The following MOCS1 variants were observed in gnomAD, a reference collection of about 807,000 sequenced individuals.
The protein encoded by MOCS1 is molybdenum cofactor biosynthesis protein 1.
MOCS1 carries 39 observed loss-of-function variants against 57.6 expected under a neutral mutation model. That is an observed-to-expected ratio of 0.68 (90% confidence interval 0.52 to 0.88). The LOEUF (loss-of-function observed/expected upper bound fraction) is 0.88. Among genes scored for constraint, MOCS1 ranks in the 40% least tolerant of loss-of-function variants. MOCS1 has a pLI of 0.00. For synonymous variants in MOCS1, 334 were observed against 335.7 expected (o/e 1.00, Z 0.05); for missense variants, 795 against 831.1 (o/e 0.96, Z 0.53).
intron 10 of MOCS1, among the ~76,000 whole-genome samples, chr6:39,907,646 A>T (rs985795248): frequency 9.9e-5 from 15 of 152,212 alleles, no homozygotes; most frequent in African/African-American, 2.7e-4. Flanking sequence ...GCACATGAGA[A>T]GCACATACAA....
chr6:39,930,545 T>TC (rs58270312), intron 1 of MOCS1, among the ~76,000 whole-genome samples: 55,473 of 151,792 alleles, frequency 0.37, 10,281 homozygotes, highest in South Asian at 0.48. Flanking sequence ...GGTAATCATT[T>TC]CCCGGCTGGT....
At chr6:39,912,164 C>T (rs1175116594) in intron 8 of MOCS1, 100 bp downstream of exon 8, 22 of 938,912 alleles carry the variant, frequency 2.3e-5, no homozygotes, top group Admixed American at 6.8e-5. Context: ...CCCCCGACAC[C>T]GTGCCCTGCC....
chr6:39,913,180 C>T lies in MOCS1; in HGVS notation c.757+137G>A, dbSNP rs773119712. On this transcript the variant is annotated intron_variant, in intron 6 of 10. Coordinates refer to ENST00000340692, the MANE Select transcript of MOCS1 (RefSeq NM_001358530.2). ...ATTGAATCACATCCACAGCGGGCTC[C>T]GAGAAGCCACCAACAGCCCATCATA... is the stretch of plus-strand genomic sequence containing the variant. 1.8e-4 allele frequency: 167 copies of T among 912,344 alleles called. 4 individuals carry two copies. Among genetic ancestry groups the T allele is most frequent in the Admixed American group, 1.9e-4 (10 of 53,754 alleles). The allele number at this position is 912,344 out of a possible 1,614,324, so 56.5% of individuals were successfully genotyped here.
chr6:39,907,005 G>A lies in MOCS1; in HGVS notation c.1263C>T (p.Ala421=), dbSNP rs1435765721. The A allele has an allele frequency of 3.7e-6, 6 of 1,613,986 alleles. No homozygotes were observed. Among genetic ancestry groups the A allele is most frequent in the African/African-American group, 1.3e-5 (1 of 75,034 alleles). ...GGACCCTGCATCCTTTCCATAAAGT[G>A]GCCACCTGGCTGGAGAAACTCATTC... ...RPRMSFSSQV[A]TLWKGCRVPQ... The change falls in exon 11 of 11, where the codon GCC becomes GCT. Residue 421 remains alanine (A), a synonymous_variant. Transcript: ENST00000340692.
rs189477481 is a variant in MOCS1 at position 39,917,058 on chromosome 6, A to G, written c.419-826T>C. 4.6e-5 allele frequency among the ~76,000 whole-genome samples: 7 copies of G among 152,332 alleles called. No homozygotes were observed. In the East Asian group the frequency reaches 1.4e-3, roughly 29 times the overall value. On this transcript the variant is annotated intron_variant, in intron 3 of 10. Coordinates refer to ENST00000340692, the MANE Select transcript of MOCS1 (RefSeq NM_001358530.2). ...GGAAGGCAGCAGAAGCATTTGCCTC[A>G]AGGATAAAGCACCAGTGCAGACACT...
At chr6:39,911,592 C>T (rs374651004) in intron 8 of MOCS1, among the ~76,000 whole-genome samples, 25 of 152,336 alleles carry the variant, frequency 1.6e-4, no homozygotes, top group African/African-American at 5.5e-4. Context: ...AAGCCCCCTA[C>T]AATGTAGTCT....
chr6:39,912,901 G>T lies in MOCS1; in HGVS notation c.861C>A (p.Ser287Arg), dbSNP rs373722664. Residue 287 changes from serine (S) to arginine (R), a missense_variant, in exon 7 of 11, where the codon AGC (serine) becomes AGA (arginine). Physicochemically the swap from Ser to Arg is moderately radical, Grantham distance 110 (BLOSUM62 -1). This residue lies in a region of MOCS1 where 416 missense variants were observed against 392.4 expected (regional missense o/e 1.06). Coordinates refer to ENST00000340692, the MANE Select transcript of MOCS1 (RefSeq NM_001358530.2). Reference protein sequence around the residue: ...ELEKVPEEESSTAKAFKIPGF... With the variant: ...ELEKVPEEESRTAKAFKIPGF... ...CCTCCTGCTCCCTAACCTTGGCTGT[G>T]CTGGATTCCTCCTCTGGCACCTTCT... The T allele has an allele frequency of 1.3e-5, 21 of 1,613,878 alleles. No homozygotes were observed. Among genetic ancestry groups the T allele is most frequent in the Non-Finnish European group, 1.6e-5 (19 of 1,179,894 alleles).
In MOCS1 at chr6:39,909,068, G is replaced by C. The variant is rs751199791; in HGVS notation, c.1137C>G (p.Pro379=). ...MFSISQMKNR[P]MILIELFLMF... is the part of the protein sequence containing the mutation. Reference sequence around the variant, plus strand: ...TGGGTCACCCACCGATGAGGATCATGGGCCGGTTCTTCATCTGGGAAATAC... The same window carrying C: ...TGGGTCACCCACCGATGAGGATCATCGGCCGGTTCTTCATCTGGGAAATAC... Residue 379 remains proline (P), a synonymous_variant, in exon 10 of 11, where the codon CCC becomes CCG. Coordinates refer to ENST00000340692, the MANE Select transcript of MOCS1 (RefSeq NM_001358530.2). 6.2e-7 allele frequency: 1 copy of C among 1,612,438 alleles called. No homozygotes were observed. Among genetic ancestry groups the C allele is most frequent in the South Asian group, 1.1e-5 (1 of 90,876 alleles).
rs1582808193 is a variant in MOCS1 at position 39,911,082 on chromosome 6, A to G, written c.982-1127T>C. Among the ~76,000 whole-genome samples, 3 of 152,250 alleles carry G rather than the reference A, an allele frequency of 2.0e-5. No homozygotes were observed. The East Asian group carries it at 5.8e-4, about 29-fold the overall frequency. On this transcript the variant is annotated intron_variant, in intron 8 of 10. Coordinates refer to ENST00000340692, the MANE Select transcript of MOCS1 (RefSeq NM_001358530.2). ...GCTGCTGCTGGTCCCAAGTACCTCA[A>G]TATCCTTTATTGGTTCCCTTAATCT...
At chr6:39,920,065 C>A (rs2149411781) in intron 3 of MOCS1, among the ~76,000 whole-genome samples, 1 of 151,974 alleles carries the variant, frequency 6.6e-6, no homozygotes, top group Non-Finnish European at 1.5e-5. Context: ...AGAACCTGTA[C>A]CAAATAAGTA....
intron 1 of MOCS1, among the ~76,000 whole-genome samples, chr6:39,931,826 C>T (rs1582844321): frequency 6.6e-6 from 1 of 152,176 alleles, no homozygotes; most frequent in African/African-American, 2.4e-5. Context: ...CCACAGGCAG[C>T]AGGCTTCATT....
Position 39,913,624 on chromosome 6 carries a change from A to C in MOCS1, c.645+150T>G, listed in dbSNP as rs1333077866. ...TTCTCTCAAGGGTCGGCAGGGCTGG[A>C]CCAGCAGGGAGAGAAGAGGTGGAAG... On this transcript the variant is annotated intron_variant, in intron 5 of 10. Coordinates refer to ENST00000340692, the MANE Select transcript of MOCS1 (RefSeq NM_001358530.2). 3 of 1,038,950 alleles carry C rather than the reference A, an allele frequency of 2.9e-6. No homozygotes were observed. The East Asian group carries it at 7.1e-5, about 25-fold the overall frequency. 64.4% of individuals were successfully genotyped at this position (1,038,950 alleles called of 1,614,324 possible). A position where few individuals can be genotyped will look rare whatever the true frequency, so the allele number is the denominator to read the frequency against.
At chr6:39,914,559 A>G (rs142965694) in intron 4 of MOCS1, among the ~76,000 whole-genome samples, 41 of 152,226 alleles carry the variant, frequency 2.7e-4, no homozygotes, top group African/African-American at 9.9e-4. Flanking sequence ...CAGTTCTCTC[A>G]TGCATCCAAT....
intron 1 of MOCS1, among the ~76,000 whole-genome samples, chr6:39,929,465 C>A (rs567585684): frequency 5.3e-5 from 8 of 152,196 alleles, no homozygotes; most frequent in African/African-American, 1.9e-4. Flanking sequence ...ATGTTAGTCA[C>A]CCTAGATTCT....
At position 39,913,351 on chromosome 6, in the gene MOCS1, C is replaced by A; in HGVS notation, c.723G>T (p.Leu241=). ...GCATATACTCTATGAAGCGCACATC[C>A]AGGGGGAGGCCCTCAGTCAAGGCCG... ...DFAALTEGLP[L]DVRFIEYMPF... Residue 241 remains leucine, a synonymous_variant, in exon 6 of 11, where the codon CTG becomes CTT. Coordinates refer to ENST00000340692, the MANE Select transcript of MOCS1 (RefSeq NM_001358530.2). 1 of 1,614,212 alleles carries A rather than the reference C, an allele frequency of 6.2e-7. No homozygotes were observed.
chr6:39,927,600 G>C (rs751414246), intron 1 of MOCS1, 145 bp from the exon 2 acceptor site: 2 of 1,603,876 alleles, frequency 1.2e-6, no homozygotes, highest in Non-Finnish European at 1.7e-6. Context: ...GCAATGTTGG[G>C]GAAGCTGGGA....
chr6:39,905,860 C>CTT lies in MOCS1; in HGVS notation c.*495_*496dup, dbSNP rs907876572. 8.5e-6 allele frequency: 4 copies of CTT among 470,578 alleles called. No homozygotes were observed. The highest frequency in any genetic ancestry group is 4.0e-5 in the African/African-American group (2 of 50,058). The allele number at this position is 470,578 out of a possible 1,614,324, so 29.2% of individuals were successfully genotyped here. On this transcript the variant is annotated 3_prime_UTR_variant, in exon 11 of 11. Transcript: ENST00000340692. ...CAGGGCAGGGCTGCGGCTTCACAGACTTAGGGAGGCAGAGCTGCCGGGGAG... is the reference window on the plus strand; with the variant it reads ...CAGGGCAGGGCTGCGGCTTCACAGACTTTTAGGGAGGCAGAGCTGCCGGGGAG...
intron 2 of MOCS1, among the ~76,000 whole-genome samples, chr6:39,926,475 A>G (rs1453987299): frequency 6.6e-6 from 1 of 151,514 alleles, no homozygotes; most frequent in South Asian, 2.1e-4. Flanking sequence ...ATCCTCCACC[A>G]TCACTTCCTG....
At chr6:39,925,277 C>T (rs893713021) in intron 3 of MOCS1, among the ~76,000 whole-genome samples, 23 of 151,952 alleles carry the variant, frequency 1.5e-4, no homozygotes, top group African/African-American at 9.7e-5. Context: ...TGAATGAGGT[C>T]GAGGAGAGTG....
Sources: gnomAD v4.1 joint callset for allele counts (sites outside exome capture counted in the v4.1 genomes callset) on GRCh38, gnomAD v4.1.1 for gene constraint, gnomAD v4.1.1 regional missense constraint, MANE v1.5 for transcripts, NCBI Gene and HGNC (gene_info 2026-07-23, HGNC 2026-07-21) for gene names.